The following TRIM33 variants were observed in gnomAD, a reference collection of about 807,000 sequenced individuals.
TRIM33 encodes the protein tripartite motif containing 33.
Under a neutral mutation model 125.4 loss-of-function variants are expected in TRIM33, and 20 were observed. That is an observed-to-expected ratio of 0.16 (90% CI 0.11 to 0.23). The LOEUF is 0.23. Among genes scored for constraint, TRIM33 ranks in the 10% least tolerant of loss-of-function variants. The pLI, the probability that TRIM33 is intolerant of heterozygous loss-of-function variation, is 1.00. For synonymous variants in TRIM33, 564 were observed against 513.9 expected (o/e 1.10, Z -1.32); for missense variants, 920 against 1,411.4 (o/e 0.65, Z 5.58).
Position 114,393,540 on chromosome 1 carries a change from A to G in TRIM33, c.*4108T>C, listed in dbSNP as rs1188230953. 5.0e-6 allele frequency: 1 copy of G among 201,886 alleles called. No individual in the cohort carries two copies. The highest frequency in any genetic ancestry group is 7.7e-5 in the East Asian group (1 of 13,038). 12.5% of individuals were successfully genotyped at this position (201,886 alleles called of 1,614,324 possible). A position where few individuals can be genotyped will look rare whatever the true frequency, so the allele number is the denominator to read the frequency against. On this transcript the variant is annotated 3_prime_UTR_variant, in exon 20 of 20. Transcript: ENST00000358465. ...TAGTTTGATATGACAAATATATCCA[A>G]ATTAACTTATTTTTGAAGATAGTTT...
At chr1:114,472,132 A>C (rs1011139622) in intron 1 of TRIM33, among the ~76,000 whole-genome samples, 1 of 152,210 alleles carries the variant, frequency 6.6e-6, no homozygotes, top group African/African-American at 2.4e-5. Flanking sequence ...TATATGAATA[A>C]AATTTTTAAA....
intron 8 of TRIM33, among the ~76,000 whole-genome samples, chr1:114,426,142 C>G (rs116110271): frequency 0.014 from 2,161 of 152,302 alleles, 29 homozygotes; most frequent in South Asian, 0.041. Flanking sequence ...ATTACAATGT[C>G]ACAAAATCGT....
chr1:114,510,579 C>T lies in TRIM33; in HGVS notation c.498G>A (p.Pro166=), dbSNP rs750533056. The change falls in exon 1 of 20, where the codon CCG becomes CCA. Residue 166 remains proline, a synonymous_variant. Coordinates refer to ENST00000358465, the MANE Select transcript of TRIM33 (RefSeq NM_015906.4). Reference sequence around the variant, plus strand: ...GCTGGATGTCGCCGTTGCTGCCCCCCGGGATGGGCACGCTGAGCTGGCGCT... The same window carrying T: ...GCTGGATGTCGCCGTTGCTGCCCCCTGGGATGGGCACGCTGAGCTGGCGCT... ...EPERQLSVPI[P]GGSNGDIQQV... is the part of the protein sequence containing the mutation. 5 of 1,526,564 alleles carry T rather than the reference C, an allele frequency of 3.3e-6. No individual in the cohort carries two copies. The highest frequency in any genetic ancestry group is 2.0e-5 in the Admixed American group (1 of 49,928). 94.6% of individuals were successfully genotyped at this position (1,526,564 alleles called of 1,614,324 possible). A position where few individuals can be genotyped will look rare whatever the true frequency, so the allele number is the denominator to read the frequency against.
intron 4 of TRIM33, among the ~76,000 whole-genome samples, chr1:114,434,203 T>C (rs1262463627): frequency 1.3e-5 from 2 of 152,144 alleles, no homozygotes; most frequent in Non-Finnish European, 2.9e-5. Context: ...AAAGACAAGG[T>C]CTATGTTACC....
intron 18 of TRIM33, among the ~76,000 whole-genome samples, chr1:114,399,139 C>T (rs766636197): frequency 6.6e-6 from 1 of 151,834 alleles, no homozygotes; most frequent in Non-Finnish European, 1.5e-5. Flanking sequence ...TAATAGTACC[C>T]AAAACGTAAG....
chr1:114,505,704 A>T (rs1210362906), intron 1 of TRIM33, among the ~76,000 whole-genome samples: 1 of 152,138 alleles, frequency 6.6e-6, no homozygotes, highest in Non-Finnish European at 1.5e-5. Flanking sequence ...AGTAGCTGGG[A>T]TTACAGGTGC....
At chr1:114,407,756 A>G (rs931673109) in intron 13 of TRIM33, among the ~76,000 whole-genome samples, 3 of 152,222 alleles carry the variant, frequency 2.0e-5, no homozygotes, top group African/African-American at 7.2e-5. Flanking sequence ...CTCAGTCCAT[A>G]AAGGTAATAA....
chr1:114,503,640 C>T (rs1277047444), intron 1 of TRIM33, among the ~76,000 whole-genome samples: 1 of 152,138 alleles, frequency 6.6e-6, no homozygotes, highest in South Asian at 2.1e-4. Flanking sequence ...ATTAATATCA[C>T]CACCAATCTC....
In TRIM33 at chr1:114,510,985, GCGGCGGGCC is replaced by G. The variant is rs1653329448; in HGVS notation, c.83_91del (p.Gly28_Ala30del). The G allele has an allele frequency of 7.4e-7, 1 of 1,344,546 alleles. No individual in the cohort carries two copies. Among genetic ancestry groups the G allele is most frequent in the African/African-American group, 1.5e-5 (1 of 65,156 alleles). 83.3% of individuals were successfully genotyped at this position (1,344,546 alleles called of 1,614,324 possible). On this transcript the variant is annotated inframe_deletion, in exon 1 of 20. Transcript: ENST00000358465. ...GGTGAGAGGCGGCTCCGCCTCCTGC[GCGGCGGGCC>G]CGGCGGCCCCGGCAGTTACCGGCGC...
chr1:114,467,803 C>G (rs1251082210), intron 1 of TRIM33, among the ~76,000 whole-genome samples: 1 of 152,194 alleles, frequency 6.6e-6, no homozygotes. Flanking sequence ...ACCTAACAAT[C>G]TTTTCATTTA....
intron 4 of TRIM33, among the ~76,000 whole-genome samples, chr1:114,454,948 G>A (rs1261281733): frequency 6.6e-6 from 1 of 152,114 alleles, no homozygotes; most frequent in Non-Finnish European, 1.5e-5. Flanking sequence ...AGGGATTATA[G>A]TACAAATTGT....
chr1:114,427,602 G>T, intron 7 of TRIM33, 146 bp downstream of exon 7: 3 of 741,626 alleles, frequency 4.0e-6, no homozygotes, highest in Non-Finnish European at 6.3e-6. Flanking sequence ...AGGAAACTTT[G>T]GGGGGTGGTG....
intron 6 of TRIM33, 142 bp downstream of exon 6, chr1:114,430,656 A>G (rs1365994950): frequency 1.6e-6 from 1 of 617,580 alleles, no homozygotes; most frequent in African/African-American, 1.9e-5. Context: ...GTCTCTTCCA[A>G]AAGTAAATTT....
chr1:114,433,885 A>T, intron 4 of TRIM33, 152 bp from the exon 5 acceptor site: 1 of 499,474 alleles, frequency 2.0e-6, no homozygotes. Flanking sequence ...GCAACTTTTA[A>T]CTGGCAATCA....
chr1:114,490,381 G>A (rs1651991035), intron 1 of TRIM33, among the ~76,000 whole-genome samples: 1 of 151,998 alleles, frequency 6.6e-6, no homozygotes, highest in Non-Finnish European at 1.5e-5. Context: ...CAATAAAAAA[G>A]ATAACAATTG....
chr1:114,463,679 A>G, intron 2 of TRIM33, 123 bp from the exon 3 acceptor site: 2 of 622,530 alleles, frequency 3.2e-6, no homozygotes, highest in Non-Finnish European at 5.4e-6. Flanking sequence ...TTTGTTATCC[A>G]TTTATCTTCA....
rs749472298 is a variant in TRIM33, at chr1:114,397,798, T to C, written c.3234A>G (p.Thr1078=). 2 of 1,612,502 alleles carry C rather than the reference T, an allele frequency of 1.2e-6. No homozygotes were observed. Among genetic ancestry groups the C allele is most frequent in the South Asian group, 1.1e-5 (1 of 90,992 alleles). ...CGAAGGTCCTGTCTGAGTAGATCTC[T>C]GTGAGTTTATCTTCAAAGTACAATG... ...AVALYFEDKL[T]EIYSDRTFAP... Residue 1078 remains threonine (T), a synonymous_variant, in exon 20 of 20, where the codon ACA becomes ACG. Coordinates refer to ENST00000358465, the MANE Select transcript of TRIM33 (RefSeq NM_015906.4).
At chr1:114,454,883 TTACAAGGAGG>T (rs1358190986) in intron 4 of TRIM33, among the ~76,000 whole-genome samples, 1 of 151,980 alleles carries the variant, frequency 6.6e-6, no homozygotes, top group Non-Finnish European at 1.5e-5. Context: ...TGACTTCCAG[TTACAAGGAGG>T]TAGTCTAGGT....
intron 1 of TRIM33, among the ~76,000 whole-genome samples, chr1:114,474,854 T>C (rs1318665350): frequency 6.6e-6 from 1 of 151,034 alleles, no homozygotes; most frequent in African/African-American, 2.4e-5. Context: ...ATCCCACCAC[T>C]GTACTCCAGC....
Sources: allele counts gnomAD v4.1 joint callset (sites outside exome capture counted in the v4.1 genomes callset), GRCh38; gene constraint gnomAD v4.1.1; transcripts MANE v1.5; gene names NCBI Gene and HGNC (gene_info 2026-07-23, HGNC 2026-07-21).